The following CLDN16 variants were observed in gnomAD, a reference collection of about 807,000 sequenced individuals.
The protein encoded by CLDN16 is claudin 16.
Under a neutral mutation model 24.6 loss-of-function variants are expected in CLDN16, and 13 were observed. That is an observed-to-expected ratio of 0.53 (90% CI 0.34 to 0.84). The LOEUF (loss-of-function observed/expected upper bound fraction) is 0.84. CLDN16 is among the 40% of genes least tolerant of loss of function. The pLI, the probability that CLDN16 is intolerant of heterozygous loss-of-function variation, is 0.01. For synonymous variants in CLDN16, 116 were observed against 106.7 expected, an observed-to-expected ratio of 1.09 and a Z score of -0.54; for missense variants, 298 against 292.7, an observed-to-expected ratio of 1.02 and a Z score of -0.13.
intron 3 of CLDN16, among the ~76,000 whole-genome samples, chr3:190,382,649 C>T (rs1718393838): frequency 6.6e-6 from 1 of 152,134 alleles, no homozygotes; most frequent in African/African-American, 2.4e-5. Flanking sequence ...CATAATTCTG[C>T]TTCTCTGTGC....
At chr3:190,298,376 C>CACACACACACACA in the CLDN16 span, among the ~76,000 whole-genome samples, 1 of 150,222 alleles carries the variant, frequency 6.7e-6, no homozygotes. Flanking sequence ...CACACACACA[C>CACACACACACACA]CTTAACAATG....
intron 1 of CLDN16, among the ~76,000 whole-genome samples, chr3:190,339,385 T>C (rs1456720636): frequency 6.6e-6 from 1 of 152,190 alleles, no homozygotes; most frequent in African/African-American, 2.4e-5. Context: ...GTGTGTGACA[T>C]TGGTTTCCTG....
chr3:190,382,667 A>G (rs78961900), intron 3 of CLDN16, among the ~76,000 whole-genome samples: 29 of 152,224 alleles, frequency 1.9e-4, no homozygotes, highest in Non-Finnish European at 3.4e-4. Context: ...TGCTTTTACA[A>G]TATTTTCTAG....
the CLDN16 span, among the ~76,000 whole-genome samples, chr3:190,303,489 G>A: frequency 5.3e-5 from 8 of 152,250 alleles, no homozygotes; most frequent in South Asian, 6.2e-4. Context: ...TGTGTGGGGG[G>A]GTTTGGGTGT....
At chr3:190,360,675 C>T (rs1717869306) in intron 1 of CLDN16, among the ~76,000 whole-genome samples, 1 of 151,690 alleles carries the variant, frequency 6.6e-6, no homozygotes, top group Non-Finnish European at 1.5e-5. Context: ...ATTCTTTGTT[C>T]TCTTTTTCCT....
intron 1 of CLDN16, among the ~76,000 whole-genome samples, chr3:190,353,905 AT>A (rs376922140): frequency 6.1e-4 from 93 of 152,180 alleles, no homozygotes; most frequent in African/African-American, 2.1e-3. Context: ...AGGAATGGAA[AT>A]TTGTTCGCTC....
Position 190,410,277 on chromosome 3 carries a change from G to C in CLDN16, c.*241G>C. On this transcript the variant is annotated 3_prime_UTR_variant, in exon 5 of 5. Coordinates refer to ENST00000264734, the MANE Select transcript of CLDN16 (RefSeq NM_006580.4). ...ACACTTTCCCTATATTTTAAGATAA[G>C]TCTGCTAGGATGTAGAAATATTTGT... 2.0e-6 allele frequency: 1 copy of C among 506,028 alleles called. No homozygotes were observed. Among genetic ancestry groups the C allele is most frequent in the South Asian group, 2.3e-5 (1 of 44,416 alleles). 31.3% of individuals were successfully genotyped at this position (506,028 alleles called of 1,614,324 possible).
chr3:190,360,593 A>T (rs1454714372), intron 1 of CLDN16, among the ~76,000 whole-genome samples: 10 of 151,968 alleles, frequency 6.6e-5, no homozygotes, highest in Non-Finnish European at 1.3e-4. Context: ...TACATTATTA[A>T]TTATAATGTA....
chr3:190,291,613 T>C, the CLDN16 span, among the ~76,000 whole-genome samples: 1 of 152,236 alleles, frequency 6.6e-6, no homozygotes, highest in Admixed American at 6.5e-5. Flanking sequence ...CAAAACCATA[T>C]TATTTTGCCC....
intron 1 of CLDN16, among the ~76,000 whole-genome samples, chr3:190,361,838 G>A (rs1325969023): frequency 6.6e-6 from 1 of 151,912 alleles, no homozygotes. Context: ...CTAGCTGGGG[G>A]CCAGACATGT....
At chr3:190,368,012 G>C (rs1718060467) in intron 1 of CLDN16, among the ~76,000 whole-genome samples, 1 of 151,944 alleles carries the variant, frequency 6.6e-6, no homozygotes, top group Non-Finnish European at 1.5e-5. Context: ...TGTTGGGGAA[G>C]CTGATACTGC....
chr3:190,365,859 G>C (rs1429101923), intron 1 of CLDN16, among the ~76,000 whole-genome samples: 3 of 151,688 alleles, frequency 2.0e-5, no homozygotes, highest in African/African-American at 7.3e-5. Flanking sequence ...AACCCTGCTT[G>C]TTAGCCTAGA....
chr3:190,358,078 GAT>G (rs1313882076), intron 1 of CLDN16, among the ~76,000 whole-genome samples: 1 of 151,714 alleles, frequency 6.6e-6, no homozygotes, highest in Non-Finnish European at 1.5e-5. Flanking sequence ...CGTATTGGTG[GAT>G]AAGCAGTATT....
the CLDN16 span, among the ~76,000 whole-genome samples, chr3:190,296,073 T>C: frequency 6.6e-6 from 1 of 152,216 alleles, no homozygotes; most frequent in Admixed American, 6.5e-5. Context: ...TCATATACTC[T>C]ACCTTAATCA....
intron 1 of CLDN16, among the ~76,000 whole-genome samples, chr3:190,344,927 T>C (rs1717519807): frequency 6.6e-6 from 1 of 152,108 alleles, no homozygotes; most frequent in South Asian, 2.1e-4. Context: ...TAATTCTATT[T>C]ACCCAGAAGT....
chr3:190,348,151 C>T (rs572461490), intron 1 of CLDN16, among the ~76,000 whole-genome samples: 64 of 145,820 alleles, frequency 4.4e-4, no homozygotes, highest in African/African-American at 1.2e-3. Flanking sequence ...GCTACTCGGG[C>T]GGCTGAGGCA....
At chr3:190,322,211 C>T (rs1339694723), upstream of CLDN16, 1 of 1,613,110 alleles carries the variant, frequency 6.2e-7, no homozygotes, top group Non-Finnish European at 8.5e-7. Context: ...GGCCATGACT[C>T]GCTCGGGCGC....
Position 190,410,155 on chromosome 3 carries a change from C to A in CLDN16, c.*119C>A. 8.6e-7 allele frequency: 1 copy of A among 1,160,446 alleles called. No individual in the cohort carries two copies. The highest frequency in any genetic ancestry group is 1.3e-6 in the Non-Finnish European group (1 of 781,424). 71.9% of individuals were successfully genotyped at this position (1,160,446 alleles called of 1,614,324 possible). ...AATTCATATTGAATTAAATTAATTG[C>A]TAGCTTAATCAAAATGTTTGATTCT... On this transcript the variant is annotated 3_prime_UTR_variant, in exon 5 of 5. Transcript: ENST00000264734.
chr3:190,378,869 A>T (rs1718297831), intron 3 of CLDN16, among the ~76,000 whole-genome samples: 1 of 151,784 alleles, frequency 6.6e-6, no homozygotes, highest in African/African-American at 2.4e-5. Context: ...GTCACTTAAT[A>T]TATAGTCCTC....
Sources: allele counts gnomAD v4.1 joint callset (sites outside exome capture counted in the v4.1 genomes callset), GRCh38; gene constraint gnomAD v4.1.1; transcripts MANE v1.5; gene names NCBI Gene and HGNC (gene_info 2026-07-23, HGNC 2026-07-21).